The following BMPER variants were observed in gnomAD, a reference collection of about 807,000 sequenced individuals.
BMPER encodes BMP binding endothelial regulator, also known as BMP-binding endothelial regulator protein.
In BMPER, 45 loss-of-function variants were observed where a neutral mutation model predicts 87.3. The ratio of observed to expected loss-of-function variants is 0.52; its 90% confidence interval spans 0.41 to 0.66. BMPER has a LOEUF of 0.66. BMPER is among the 30% of genes least tolerant of loss of function. The probability of loss-of-function intolerance (pLI) is 0.00; values close to 1 mark genes in which losing one functional copy is unlikely to be tolerated. For synonymous variants in BMPER, 326 were observed against 316.2 expected, an observed-to-expected ratio of 1.03 and a Z score of -0.33; for missense variants, 784 against 867.5, an observed-to-expected ratio of 0.90 and a Z score of 1.21.
intron 11 of BMPER, among the ~76,000 whole-genome samples, 189 bp downstream of exon 11, chr7:34,062,236 A>C (rs961498518): frequency 3.3e-5 from 5 of 152,232 alleles, no homozygotes; most frequent in Non-Finnish European, 7.3e-5. Flanking sequence ...ATGGAGACAA[A>C]TATAGATACT....
intron 11 of BMPER, among the ~76,000 whole-genome samples, chr7:34,075,342 T>C (rs1788836283): frequency 6.6e-6 from 1 of 152,172 alleles, no homozygotes; most frequent in South Asian, 2.1e-4. Flanking sequence ...GTGTAAATAA[T>C]AGTGCAAATA....
At chr7:33,970,162 G>A (rs1483216262) in intron 4 of BMPER, among the ~76,000 whole-genome samples, 167 bp from the exon 5 acceptor site, 1 of 152,178 alleles carries the variant, frequency 6.6e-6, no homozygotes, top group Non-Finnish European at 1.5e-5. Flanking sequence ...CATTGATTGG[G>A]GTGAGCCTGG....
chr7:33,986,364 C>T lies in BMPER; in HGVS notation c.576+11580C>T, dbSNP rs147018607. ...GTCCTAGTAGACAGGGATAATGTAC[C>T]TCACAGCTTGAGTACAGTGTCTTAC... On this transcript the variant is annotated intron_variant, in intron 6 of 14. Coordinates refer to ENST00000649409, the MANE Select transcript of BMPER (RefSeq NM_001365308.1). 8.9e-3 allele frequency among the ~76,000 whole-genome samples: 1,361 copies of T among 152,264 alleles called. 90 individuals are homozygous for T. Among genetic ancestry groups the T allele is most frequent in the Admixed American group, 0.083 (1,271 of 15,290 alleles).
chr7:33,985,383 TA>T (rs1329943549), intron 6 of BMPER, among the ~76,000 whole-genome samples: 4 of 152,238 alleles, frequency 2.6e-5, no homozygotes, highest in Admixed American at 2.0e-4. Flanking sequence ...AATATTTCCA[TA>T]AAACCATAAT....
At chr7:33,958,212 G>A (rs1246418767) in intron 3 of BMPER, among the ~76,000 whole-genome samples, 2 of 152,160 alleles carry the variant, frequency 1.3e-5, no homozygotes, top group Non-Finnish European at 2.9e-5. Context: ...CACCTTTCTT[G>A]CATTTGCTCT....
chr7:33,963,725 G>A (rs746224394), intron 3 of BMPER, among the ~76,000 whole-genome samples: 16 of 152,106 alleles, frequency 1.1e-4, no homozygotes, highest in Non-Finnish European at 1.9e-4. Context: ...CCTGGGAGGC[G>A]GAGGTTGCAG....
intron 13 of BMPER, among the ~76,000 whole-genome samples, chr7:34,131,221 T>C (rs1252057827): frequency 6.6e-6 from 1 of 152,006 alleles, no homozygotes; most frequent in Non-Finnish European, 1.5e-5. Context: ...GCCCCACTGA[T>C]GGGTGGGGGT....
chr7:34,035,053 C>T (rs1787627802), intron 6 of BMPER, among the ~76,000 whole-genome samples: 1 of 152,104 alleles, frequency 6.6e-6, no homozygotes, highest in African/African-American at 2.4e-5. Flanking sequence ...TAGGATAGTC[C>T]CAAGAGCTTG....
intron 14 of BMPER, among the ~76,000 whole-genome samples, chr7:34,151,147 AAGGGCAC>A (rs879764378): frequency 3.3e-5 from 5 of 152,336 alleles, no homozygotes; most frequent in Admixed American, 6.5e-5. Flanking sequence ...AGAGAAGAGC[AAGGGCAC>A]AGATCACACA....
intron 6 of BMPER, among the ~76,000 whole-genome samples, chr7:34,029,169 T>C (rs1787460188): frequency 6.6e-6 from 1 of 152,046 alleles, no homozygotes. Context: ...TGGGATATGG[T>C]GGTGAGCAAT....
At chr7:34,135,370 A>G (rs1176885214) in intron 13 of BMPER, among the ~76,000 whole-genome samples, 2 of 152,310 alleles carry the variant, frequency 1.3e-5, no homozygotes, top group East Asian at 1.9e-4. Flanking sequence ...AAGAGTCCTT[A>G]TGAGCAGGGA....
intron 6 of BMPER, among the ~76,000 whole-genome samples, chr7:34,018,071 G>A (rs1446559218): frequency 2.0e-5 from 3 of 151,796 alleles, no homozygotes; most frequent in African/African-American, 7.3e-5. Context: ...TATCCTGTCA[G>A]TGCTGCCATC....
chr7:33,945,295 G>C (rs1357310379), intron 3 of BMPER, among the ~76,000 whole-genome samples: 1 of 133,104 alleles, frequency 7.5e-6, no homozygotes, highest in African/African-American at 2.9e-5. Flanking sequence ...CTGTCACCCA[G>C]GCTGTAGTGC....
chr7:33,979,620 G>T (rs993932170), intron 6 of BMPER, among the ~76,000 whole-genome samples: 1 of 152,148 alleles, frequency 6.6e-6, no homozygotes, highest in East Asian at 1.9e-4. Flanking sequence ...GCCTATTCTC[G>T]TCTGGGAGAG....
At chr7:34,084,813 C>A (rs79729591) in intron 12 of BMPER, among the ~76,000 whole-genome samples, 1 of 152,272 alleles carries the variant, frequency 6.6e-6, no homozygotes, top group East Asian at 1.9e-4. Context: ...GAGTCATTGG[C>A]CAGTGTGGCT....
intron 6 of BMPER, among the ~76,000 whole-genome samples, chr7:34,024,664 T>G (rs1787309921): frequency 6.6e-6 from 1 of 151,566 alleles, no homozygotes; most frequent in Non-Finnish European, 1.5e-5. Flanking sequence ...TCTATAGACT[T>G]CCTATAGTGG....
At chr7:34,019,467 T>G (rs1787122974) in intron 6 of BMPER, among the ~76,000 whole-genome samples, 1 of 151,996 alleles carries the variant, frequency 6.6e-6, no homozygotes, top group Admixed American at 6.6e-5. Context: ...TCCGCATCAT[T>G]TATACGCCCA....
chr7:33,973,217 G>A (rs1365888), intron 5 of BMPER, among the ~76,000 whole-genome samples: 20,780 of 152,166 alleles, frequency 0.14, 1,880 homozygotes, highest in East Asian at 0.24. Context: ...CAATCCGTGT[G>A]ACAAAATCAG....
intron 6 of BMPER, among the ~76,000 whole-genome samples, chr7:33,984,406 A>T (rs1165178997): frequency 6.6e-6 from 1 of 151,992 alleles, no homozygotes; most frequent in East Asian, 1.9e-4. Flanking sequence ...TGGAAGTTGC[A>T]GTGAGCCGAG....
Sources: allele counts gnomAD v4.1 joint callset (sites outside exome capture counted in the v4.1 genomes callset), GRCh38; gene constraint gnomAD v4.1.1; transcripts MANE v1.5; gene names NCBI Gene and HGNC (gene_info 2026-07-23, HGNC 2026-07-21).